Variants in FBXL17 observed in about 807,000 individuals in gnomAD.
FBXL17 encodes the protein F-box/LRR-repeat protein 17.
In FBXL17, 22 loss-of-function variants were observed where a neutral mutation model predicts 66.2. The ratio of observed to expected loss-of-function variants is 0.33; its 90% CI spans 0.24 to 0.47. The LOEUF (loss-of-function observed/expected upper bound fraction) is 0.47, where lower values mean the gene tolerates loss of function less well. Among genes scored for constraint, FBXL17 ranks in the 20% least tolerant of loss-of-function variants. FBXL17 has a pLI of 1.00. For missense variants in FBXL17, 878 were observed against 948.2 expected (o/e 0.93, Z 0.97); for synonymous variants, 474 against 400.5 (o/e 1.18, Z -2.19).
At chr5:108,248,730 C>A (rs1756219923) in intron 4 of FBXL17, among the ~76,000 whole-genome samples, 1 of 152,032 alleles carries the variant, frequency 6.6e-6, no homozygotes, top group Non-Finnish European at 1.5e-5. Flanking sequence ...AAATTTAAGA[C>A]ACAATTTGAA....
intron 6 of FBXL17, among the ~76,000 whole-genome samples, chr5:108,083,369 G>C (rs948262624): frequency 6.6e-6 from 1 of 151,950 alleles, no homozygotes; most frequent in Non-Finnish European, 1.5e-5. Context: ...TGCTCTCTAG[G>C]GTTTTCCAAC....
chr5:108,128,866 A>C (rs2149973977), intron 6 of FBXL17, among the ~76,000 whole-genome samples: 1 of 152,322 alleles, frequency 6.6e-6, no homozygotes, highest in African/African-American at 2.4e-5. Context: ...TAACTTCAAC[A>C]GGAACAACTA....
chr5:108,173,254 C>A (rs1752672831), intron 6 of FBXL17, among the ~76,000 whole-genome samples: 1 of 151,892 alleles, frequency 6.6e-6, no homozygotes, highest in South Asian at 2.1e-4. Context: ...TGAAAATAAT[C>A]CCGGGATGGG....
At chr5:107,863,083 TC>T (rs1471242217) in intron 8 of FBXL17, among the ~76,000 whole-genome samples, 3 of 151,468 alleles carry the variant, frequency 2.0e-5, no homozygotes, top group African/African-American at 7.2e-5. Context: ...CATAACTAAT[TC>T]CTTTTGTGAT....
At chr5:107,939,691 G>C (rs1414280584) in intron 7 of FBXL17, among the ~76,000 whole-genome samples, 1 of 152,062 alleles carries the variant, frequency 6.6e-6, no homozygotes, top group Non-Finnish European at 1.5e-5. Context: ...ATAATTCTGT[G>C]CATATATTAT....
intron 7 of FBXL17, among the ~76,000 whole-genome samples, chr5:107,924,985 G>A (rs1490846482): frequency 6.6e-6 from 1 of 152,164 alleles, no homozygotes; most frequent in Non-Finnish European, 1.5e-5. Flanking sequence ...CAAGGACAAA[G>A]ATTTTTATCA....
intron 6 of FBXL17, among the ~76,000 whole-genome samples, chr5:108,068,451 C>CT (rs1221833630): frequency 5.4e-5 from 4 of 74,610 alleles, no homozygotes; most frequent in Non-Finnish European, 8.4e-5. Context: ...TATTTTTTTT[C>CT]TTTTTTTGGG....
chr5:108,348,785 A>G (rs1368304035), intron 3 of FBXL17, among the ~76,000 whole-genome samples: 2 of 152,156 alleles, frequency 1.3e-5, no homozygotes, highest in African/African-American at 4.8e-5. Context: ...TTAACAGTTC[A>G]AAATTACATA....
chr5:108,252,383 G>A (rs1007475355), intron 4 of FBXL17, among the ~76,000 whole-genome samples: 3 of 151,922 alleles, frequency 2.0e-5, no homozygotes, highest in Non-Finnish European at 2.9e-5. Flanking sequence ...GCTTTACAAG[G>A]TTAAAAAACA....
intron 4 of FBXL17, 104 bp downstream of exon 4, chr5:108,348,295 T>G: frequency 9.3e-7 from 1 of 1,072,592 alleles, no homozygotes. Context: ...AAGTAGTATT[T>G]GAACCATCAC....
chr5:108,351,310 T>A (rs774531704), intron 3 of FBXL17, among the ~76,000 whole-genome samples: 1 of 152,290 alleles, frequency 6.6e-6, no homozygotes, highest in East Asian at 1.9e-4. Context: ...ATCCTTATCT[T>A]TGATACAAGG....
intron 7 of FBXL17, among the ~76,000 whole-genome samples, chr5:107,914,161 T>C (rs1001523779): frequency 6.6e-6 from 1 of 152,158 alleles, no homozygotes; most frequent in African/African-American, 2.4e-5. Context: ...AAGTAGTTCA[T>C]TGAAACGAGA....
At chr5:108,107,325 G>A (rs1191229110) in intron 6 of FBXL17, among the ~76,000 whole-genome samples, 1 of 152,166 alleles carries the variant, frequency 6.6e-6, no homozygotes, top group African/African-American at 2.4e-5. Context: ...ACCCACCTTG[G>A]CTTCCCAAAG....
At chr5:108,052,330 C>A (rs112944380) in intron 6 of FBXL17, among the ~76,000 whole-genome samples, 2 of 152,046 alleles carry the variant, frequency 1.3e-5, no homozygotes, top group African/African-American at 2.4e-5. Context: ...CCCCAAAACT[C>A]CTTAAGCCAC....
intron 7 of FBXL17, among the ~76,000 whole-genome samples, chr5:107,905,774 G>A (rs1211050699): frequency 6.6e-6 from 1 of 152,134 alleles, no homozygotes; most frequent in Non-Finnish European, 1.5e-5. Context: ...TTCCATAGTG[G>A]AATTTCATAT....
intron 6 of FBXL17, among the ~76,000 whole-genome samples, chr5:108,089,624 G>C (rs770137162): frequency 2.6e-5 from 4 of 152,094 alleles, no homozygotes; most frequent in African/African-American, 4.8e-5. Flanking sequence ...GTGATTATTT[G>C]AGAAACCTCC....
At chr5:108,365,826 C>T (rs750583042) in intron 2 of FBXL17, among the ~76,000 whole-genome samples, 1 of 151,920 alleles carries the variant, frequency 6.6e-6, no homozygotes, top group Non-Finnish European at 1.5e-5. Context: ...GGAAAAACTC[C>T]ACATATTTGA....
chr5:108,303,392 A>C (rs1197166815), intron 4 of FBXL17, among the ~76,000 whole-genome samples: 1 of 146,680 alleles, frequency 6.8e-6, no homozygotes, highest in South Asian at 2.3e-4. Flanking sequence ...ACACACACAC[A>C]CACATACCCA....
At chr5:107,935,092 A>G (rs1750856399) in intron 7 of FBXL17, among the ~76,000 whole-genome samples, 1 of 152,060 alleles carries the variant, frequency 6.6e-6, no homozygotes, top group South Asian at 2.1e-4. Context: ...CTTTACACAC[A>G]TAAGATATTG....
Sources: allele counts gnomAD v4.1 joint callset (sites outside exome capture counted in the v4.1 genomes callset), GRCh38; gene constraint gnomAD v4.1.1; transcripts MANE v1.5; gene names NCBI Gene and HGNC (gene_info 2026-07-23, HGNC 2026-07-21).